The following HOXA9 variants were observed in gnomAD, a reference collection of about 807,000 sequenced individuals.
HOXA9 encodes homeobox A9.
Under a neutral mutation model 19.0 loss-of-function variants are expected in HOXA9, and 18 were observed. The ratio of observed to expected loss-of-function variants is 0.95; its 90% confidence interval spans 0.65 to 1.40. HOXA9 has a LOEUF of 1.40. HOXA9 is among the 40% of genes most tolerant of loss of function. The pLI is 0.00. For synonymous variants in HOXA9, 198 were observed against 161.1 expected, an observed-to-expected ratio of 1.23 and a Z score of -1.73; for missense variants, 443 against 372.2, an observed-to-expected ratio of 1.19 and a Z score of -1.57.
Position 27,163,509 on chromosome 7 carries a change from T to G in HOXA9, c.*94A>C, listed in dbSNP as rs1583425041. 5 of 984,694 alleles carry G rather than the reference T, an allele frequency of 5.1e-6. No individual in the cohort carries two copies. Among genetic ancestry groups the G allele is most frequent in the African/African-American group, 1.6e-5 (1 of 61,578 alleles). 61.0% of individuals were successfully genotyped at this position (984,694 alleles called of 1,614,324 possible). ...TGTGCGGGGATGGTGGAGGCTAGGGTGGGGGTGAGAGAAGGGAGAAGGCGG... is the reference window on the plus strand; with the variant it reads ...TGTGCGGGGATGGTGGAGGCTAGGGGGGGGGTGAGAGAAGGGAGAAGGCGG... On this transcript the variant is annotated 3_prime_UTR_variant, in exon 2 of 2. Coordinates refer to ENST00000343483, the MANE Select transcript of HOXA9 (RefSeq NM_152739.4).
At chr7:27,164,801 A>G in intron 1 of HOXA9, 77 bp downstream of exon 1, 1 of 1,558,694 alleles carries the variant, frequency 6.4e-7, no homozygotes, top group Non-Finnish European at 8.7e-7. Context: ...GGCAGGCTCG[A>G]GAGAAACCTG....
chr7:27,165,281 C>T lies in HOXA9; in HGVS notation c.177G>A (p.Lys59=), dbSNP rs1467483547. ...PDFSPCSFQS[K]ATVFGASWNP... ...TCCACGAGGCGCCAAACACCGTCGC[C>T]TTGGACTGGAAGCTGCACGGGCTGA... The change falls in exon 1 of 2, where the codon AAG becomes AAA. Residue 59 remains lysine, a synonymous_variant. Coordinates refer to ENST00000343483, the MANE Select transcript of HOXA9 (RefSeq NM_152739.4). The T allele has an allele frequency of 6.4e-7, 1 of 1,566,610 alleles. No homozygotes were observed. The highest frequency in any genetic ancestry group is 1.4e-5 in the African/African-American group (1 of 74,014).
rs1163045956 is a variant in HOXA9, at chr7:27,164,921, A to G, written c.537T>C (p.Asn179=). ...TGTCTCCGCCGCTCTCATTCTCAGC[A>G]TTGTTTTCAGAGAAGGCGCCTTCGC... ...QPSEGAFSEN[N]AENESGGDKP... Residue 179 remains asparagine, a synonymous_variant, in exon 1 of 2, where the codon AAT becomes AAC. Transcript: ENST00000343483. 2 of 1,614,172 alleles carry G rather than the reference A, an allele frequency of 1.2e-6. No homozygotes were observed. The highest frequency in any genetic ancestry group is 1.7e-6 in the Non-Finnish European group (2 of 1,180,012).
intron 1 of HOXA9, among the ~76,000 whole-genome samples, chr7:27,164,049 C>T (rs1783261688): frequency 6.6e-6 from 1 of 152,094 alleles, no homozygotes; most frequent in Non-Finnish European, 1.5e-5. Context: ...TTTGGCTCGC[C>T]CTCCCCTCCG....
At position 27,162,726 on chromosome 7, in the gene HOXA9, G is replaced by A. The variant is rs1783226247; in HGVS notation, c.*877C>T. 3 of 209,208 alleles carry A rather than the reference G, an allele frequency of 1.4e-5. No individual in the cohort carries two copies. In the South Asian group the frequency reaches 5.7e-4, roughly 40 times the overall value. 13.0% of individuals were successfully genotyped at this position (209,208 alleles called of 1,614,324 possible). A position where few individuals can be genotyped will look rare whatever the true frequency, so the allele number is the denominator to read the frequency against. On this transcript the variant is annotated 3_prime_UTR_variant, in exon 2 of 2. Transcript: ENST00000343483. Reference sequence around the variant, plus strand: ...ACCTTCTGCACATATGTATAGCTCCGAATTTCCTCACTGTTCGTCTGGTGC... The same window carrying A: ...ACCTTCTGCACATATGTATAGCTCCAAATTTCCTCACTGTTCGTCTGGTGC...
rs756002962 is a variant in HOXA9, at chr7:27,165,398, G to A, written c.60C>T (p.Asp20=). Residue 20 remains aspartate, a synonymous_variant, in exon 1 of 2, where the codon GAC becomes GAT. Transcript: ENST00000343483. ...GGCCAACGCTCAGCTCATCCGCGGCGTCGGCGCCCAGCAGGAACGAGTCCA... is the reference window on the plus strand; with the variant it reads ...GGCCAACGCTCAGCTCATCCGCGGCATCGGCGCCCAGCAGGAACGAGTCCA... ...YYVDSFLLGA[D]AADELSVGRY... 6.2e-7 allele frequency: 1 copy of A among 1,608,982 alleles called. No homozygotes were observed. Among genetic ancestry groups the A allele is most frequent in the South Asian group, 1.1e-5 (1 of 90,702 alleles).
In HOXA9 at chr7:27,162,748, G is replaced by C; in HGVS notation, c.*855C>G. The C allele has an allele frequency of 4.8e-6, 1 of 208,282 alleles. No homozygotes were observed. Among genetic ancestry groups the C allele is most frequent in the Non-Finnish European group, 9.8e-6 (1 of 102,200 alleles). 12.9% of individuals were successfully genotyped at this position (208,282 alleles called of 1,614,324 possible). A position where few individuals can be genotyped will look rare whatever the true frequency, so the allele number is the denominator to read the frequency against. On this transcript the variant is annotated 3_prime_UTR_variant, in exon 2 of 2. Coordinates refer to ENST00000343483, the MANE Select transcript of HOXA9 (RefSeq NM_152739.4). ...TCCGAATTTCCTCACTGTTCGTCTGGTGCAAAAACAATATTCAAGCTTGTC... is the reference window on the plus strand; with the variant it reads ...TCCGAATTTCCTCACTGTTCGTCTGCTGCAAAAACAATATTCAAGCTTGTC...
chr7:27,165,480 G>T lies in HOXA9; in HGVS notation c.-23C>A. ...CATCACCGTGCCCAGCGCCTGGCCC[G>T]CCCGGCCCGACCCACGGAAATTATG... On this transcript the variant is annotated 5_prime_UTR_variant, in exon 1 of 2. Coordinates refer to ENST00000343483, the MANE Select transcript of HOXA9 (RefSeq NM_152739.4). 6.5e-7 allele frequency: 1 copy of T among 1,549,682 alleles called. No homozygotes were observed.
rs1207444103 is a variant in HOXA9, at chr7:27,163,515, T to C, written c.*88A>G. The C allele has an allele frequency of 1.9e-6, 2 of 1,038,222 alleles. No homozygotes were observed. Among genetic ancestry groups the C allele is most frequent in the Non-Finnish European group, 1.4e-6 (1 of 692,246 alleles). The allele number at this position is 1,038,222 out of a possible 1,614,324, so 64.3% of individuals were successfully genotyped here. A position where few individuals can be genotyped will look rare whatever the true frequency, so the allele number is the denominator to read the frequency against. ...GGGATGGTGGAGGCTAGGGTGGGGG[T>C]GAGAGAAGGGAGAAGGCGGAAGGGG... On this transcript the variant is annotated 3_prime_UTR_variant, in exon 2 of 2. Coordinates refer to ENST00000343483, the MANE Select transcript of HOXA9 (RefSeq NM_152739.4).
chr7:27,163,913 A>G (rs1783258521), intron 1 of HOXA9, 72 bp from the exon 2 acceptor site: 1 of 1,286,732 alleles, frequency 7.8e-7, no homozygotes, highest in African/African-American at 1.5e-5. Flanking sequence ...AGCCTCCTGC[A>G]TGGGGTCTCT....
In HOXA9 at chr7:27,165,300, G is replaced by A. The variant is rs1403902048; in HGVS notation, c.158C>T (p.Pro53Leu). 7 of 1,570,932 alleles carry A rather than the reference G, an allele frequency of 4.5e-6. No homozygotes were observed. Among genetic ancestry groups the A allele is most frequent in the East Asian group, 2.3e-5 (1 of 43,168 alleles). ...CGTCGCCTTGGACTGGAAGCTGCAC[G>A]GGCTGAAGTCGGGGTGCTCGGCCAG... ...ATLAEHPDFSPCSFQSKATVF... is the reference protein window; with the variant it reads ...ATLAEHPDFSLCSFQSKATVF... Residue 53 changes from proline to leucine, a missense_variant, in exon 1 of 2, where the codon CCG becomes CTG. By Grantham distance (98) the Pro-to-Leu change is moderately conservative. Coordinates refer to ENST00000343483, the MANE Select transcript of HOXA9 (RefSeq NM_152739.4).
rs1159134701 is a variant in HOXA9, at chr7:27,163,284, A to G, written c.*319T>C. On this transcript the variant is annotated 3_prime_UTR_variant, in exon 2 of 2. Transcript: ENST00000343483. ...AGTTTCTTTCCTTTTGTTTTAAGTCAGGAACAGGTAGATTTTTAAAAATAT... is the reference window on the plus strand; with the variant it reads ...AGTTTCTTTCCTTTTGTTTTAAGTCGGGAACAGGTAGATTTTTAAAAATAT... 1 of 290,212 alleles carries G rather than the reference A, an allele frequency of 3.4e-6. No homozygotes were observed. Among genetic ancestry groups the G allele is most frequent in the Non-Finnish European group, 6.4e-6 (1 of 155,506 alleles). The allele number at this position is 290,212 out of a possible 1,614,324, so 18.0% of individuals were successfully genotyped here. A position where few individuals can be genotyped will look rare whatever the true frequency, so the allele number is the denominator to read the frequency against.
rs756362881 is a variant in HOXA9, at chr7:27,163,704, C to T, written c.718G>A (p.Ala240Thr). Reference protein sequence around the residue: ...YLTRDRRYEVARLLNLTERQV... With the variant: ...YLTRDRRYEVTRLLNLTERQV... ...CTCTCGGTGAGGTTGAGCAGTCGAG[C>T]CACCTCGTACCTGCGGTCCCTGGTG... The change falls in exon 2 of 2, where the codon GCT becomes ACT. Residue 240 changes from alanine to threonine, a missense_variant. Physicochemically the swap from Ala to Thr is moderately conservative, Grantham distance 58. Coordinates refer to ENST00000343483, the MANE Select transcript of HOXA9 (RefSeq NM_152739.4). 1 of 1,613,920 alleles carries T rather than the reference C, an allele frequency of 6.2e-7. No individual in the cohort carries two copies. The highest frequency in any genetic ancestry group is 8.5e-7 in the Non-Finnish European group (1 of 1,179,930).
Position 27,163,578 on chromosome 7 carries a change from T to TA in HOXA9, c.*24_*25insT, listed in dbSNP as rs1783248407. On this transcript the variant is annotated 3_prime_UTR_variant, in exon 2 of 2. Transcript: ENST00000343483. ...TTTCTTTTTCTCTCTAGCTTACCCT[T>TA]TTTTCTAAATAAGCCCAAATGGCAT... The TA allele has an allele frequency of 6.4e-7, 1 of 1,564,264 alleles. No homozygotes were observed.
In HOXA9 at chr7:27,163,569, G is replaced by C. The variant is rs1323560936; in HGVS notation, c.*34C>G. On this transcript the variant is annotated 3_prime_UTR_variant, in exon 2 of 2. Coordinates refer to ENST00000343483, the MANE Select transcript of HOXA9 (RefSeq NM_152739.4). ...GGACAGTTCTTTCTTTTTCTCTCTA[G>C]CTTACCCTTTTTTCTAAATAAGCCC... is the stretch of plus-strand genomic sequence containing the variant. The C allele has an allele frequency of 6.6e-7, 1 of 1,512,414 alleles. No individual in the cohort carries two copies. Among genetic ancestry groups the C allele is most frequent in the African/African-American group, 1.4e-5 (1 of 72,136 alleles). The allele number at this position is 1,512,414 out of a possible 1,614,324, so 93.7% of individuals were successfully genotyped here.
rs1013810770 is a variant in HOXA9 at position 27,162,829 on chromosome 7, G to A, written c.*774C>T. 4 of 200,434 alleles carry A rather than the reference G, an allele frequency of 2.0e-5. No homozygotes were observed. The highest frequency in any genetic ancestry group is 1.7e-3 in the Middle Eastern group (1 of 588). The allele number at this position is 200,434 out of a possible 1,614,324, so 12.4% of individuals were successfully genotyped here. A position where few individuals can be genotyped will look rare whatever the true frequency, so the allele number is the denominator to read the frequency against. On this transcript the variant is annotated 3_prime_UTR_variant, in exon 2 of 2. Transcript: ENST00000343483. ...ATTATATATACAATAGACAAGACAG[G>A]ACTATATAGATAATGGACAGACTTA...
rs570697486 is a variant in HOXA9 at position 27,163,810 on chromosome 7, G to A, written c.612C>T (p.Arg204=). 1.9e-6 allele frequency: 3 copies of A among 1,614,044 alleles called. No individual in the cohort carries two copies. The highest frequency in any genetic ancestry group is 4.5e-5 in the East Asian group (2 of 44,870). Residue 204 remains arginine (R), a synonymous_variant, in exon 2 of 2, where the codon CGC becomes CGT. Coordinates refer to ENST00000343483, the MANE Select transcript of HOXA9 (RefSeq NM_152739.4). ...NNPAANWLHA[R]STRKKRCPYT... is the part of the protein sequence containing the mutation. ...AGGGGCACCGCTTTTTCCGAGTGGAGCGCGCATGAAGCCAGTTGGCTGCTG... is the reference window on the plus strand; with the variant it reads ...AGGGGCACCGCTTTTTCCGAGTGGAACGCGCATGAAGCCAGTTGGCTGCTG...
At position 27,163,355 on chromosome 7, in the gene HOXA9, T is replaced by C. The variant is rs1341050097; in HGVS notation, c.*248A>G. 2.0e-6 allele frequency: 1 copy of C among 488,366 alleles called. No individual in the cohort carries two copies. Among genetic ancestry groups the C allele is most frequent in the Non-Finnish European group, 3.6e-6 (1 of 275,104 alleles). The allele number at this position is 488,366 out of a possible 1,614,324, so 30.3% of individuals were successfully genotyped here. ...AGCTATCAGCACTAATGCCCCCCCC[T>C]CAACTTTTCCTTTTTCTTATAGAAA... is the stretch of plus-strand genomic sequence containing the variant. On this transcript the variant is annotated 3_prime_UTR_variant, in exon 2 of 2. Coordinates refer to ENST00000343483, the MANE Select transcript of HOXA9 (RefSeq NM_152739.4).
chr7:27,164,378 T>C (rs895364395), intron 1 of HOXA9, among the ~76,000 whole-genome samples: 2 of 152,230 alleles, frequency 1.3e-5, no homozygotes, highest in Non-Finnish European at 2.9e-5. Context: ...ATGGGGACCC[T>C]TGTGGCCCGG....
Sources: allele counts gnomAD v4.1 joint callset (sites outside exome capture counted in the v4.1 genomes callset), GRCh38; gene constraint gnomAD v4.1.1; transcripts MANE v1.5; gene names NCBI Gene and HGNC (gene_info 2026-07-23, HGNC 2026-07-21).